Variants in EDIL3 observed in about 807,000 individuals in gnomAD.
The protein encoded by EDIL3 is EGF like and discoidin domains 3.
In EDIL3, 37 loss-of-function variants were observed where a neutral mutation model predicts 67.4. That is an observed-to-expected ratio of 0.55 (90% CI 0.42 to 0.72). The LOEUF is 0.72. Ranked by LOEUF, EDIL3 falls within the 30% of genes least tolerant of loss-of-function variation. The probability of loss-of-function intolerance (pLI) is 0.00; values close to 1 mark genes in which losing one functional copy is unlikely to be tolerated. For synonymous variants in EDIL3, 195 were observed against 196.3 expected, an observed-to-expected ratio of 0.99 and a Z score of 0.05; for missense variants, 527 against 586.3, an observed-to-expected ratio of 0.90 and a Z score of 1.04.
chr5:84,146,791 A>G (rs1237587135), intron 4 of EDIL3, among the ~76,000 whole-genome samples: 1 of 152,102 alleles, frequency 6.6e-6, no homozygotes, highest in Non-Finnish European at 1.5e-5. Context: ...TCCTTTTTAG[A>G]GGGCATTGAT....
chr5:84,280,694 T>G (rs1431513469), intron 1 of EDIL3, among the ~76,000 whole-genome samples: 1 of 152,032 alleles, frequency 6.6e-6, no homozygotes, highest in Non-Finnish European at 1.5e-5. Flanking sequence ...GGTTCACGCT[T>G]GAAATCTCAA....
chr5:84,063,278 A>G (rs1746576539), intron 8 of EDIL3, among the ~76,000 whole-genome samples: 1 of 152,142 alleles, frequency 6.6e-6, no homozygotes, highest in African/African-American at 2.4e-5. Context: ...GCTTTATGAT[A>G]AATGGCTTAG....
chr5:84,172,606 C>CA (rs202241099), intron 4 of EDIL3, among the ~76,000 whole-genome samples: 2,364 of 150,968 alleles, frequency 0.016, 69 homozygotes, highest in African/African-American at 0.055. Context: ...ACAACAACAA[C>CA]AACAAAAAAA....
intron 9 of EDIL3, among the ~76,000 whole-genome samples, chr5:84,015,327 A>C (rs888085218): frequency 2.0e-5 from 3 of 152,208 alleles, no homozygotes; most frequent in African/African-American, 2.4e-5. Context: ...AGGTTATTGC[A>C]CAGTAGGTGG....
chr5:84,060,656 T>C (rs1375904510), intron 8 of EDIL3, among the ~76,000 whole-genome samples, 172 bp from the exon 9 acceptor site: 1 of 151,982 alleles, frequency 6.6e-6, no homozygotes, highest in Non-Finnish European at 1.5e-5. Flanking sequence ...TGAAACAAAA[T>C]CGAAAAACAA....
At chr5:84,075,890 G>GCACACACACACACA (rs10530772) in intron 6 of EDIL3, among the ~76,000 whole-genome samples, 49 of 144,978 alleles carry the variant, frequency 3.4e-4, no homozygotes, top group East Asian at 1.4e-3. Context: ...AAGTGTGCAC[G>GCACACACACACACA]CACACACACA....
In EDIL3 at chr5:84,212,756, G is replaced by C. The variant is rs115838992; in HGVS notation, c.226+17099C>G. Among the ~76,000 whole-genome samples the C allele has an allele frequency of 1.5e-3, 229 of 152,268 alleles. 2 individuals are homozygous for C. Among genetic ancestry groups the C allele is most frequent in the African/African-American group, 5.2e-3 (218 of 41,552 alleles). On this transcript the variant is annotated intron_variant, in intron 3 of 10. Coordinates refer to ENST00000296591, the MANE Select transcript of EDIL3 (RefSeq NM_005711.5). ...AGCACAACATGTGTGACCTGGAATAGAGAAGACCGCCCTGCCTCCTAGAGA... is the reference window on the plus strand; with the variant it reads ...AGCACAACATGTGTGACCTGGAATACAGAAGACCGCCCTGCCTCCTAGAGA...
intron 5 of EDIL3, among the ~76,000 whole-genome samples, chr5:84,117,020 A>ATTTTTTTTTTTTTTT (rs34997139): frequency 3.6e-5 from 3 of 83,236 alleles, no homozygotes; most frequent in Non-Finnish European, 6.5e-5. Flanking sequence ...TTAAGTACTT[A>ATTTTTTTTTTTTTTT]TTTTTTTTTT....
intron 5 of EDIL3, among the ~76,000 whole-genome samples, chr5:84,111,409 A>T (rs1580332101): frequency 6.6e-6 from 1 of 152,118 alleles, no homozygotes; most frequent in East Asian, 1.9e-4. Context: ...GGATAGGCAA[A>T]TTCTGTTCTT....
At chr5:83,983,495 A>G (rs1052600054) in intron 9 of EDIL3, among the ~76,000 whole-genome samples, 3 of 152,120 alleles carry the variant, frequency 2.0e-5, no homozygotes, top group Non-Finnish European at 4.4e-5. Flanking sequence ...GTTTGAGTGA[A>G]GAAAAAGATC....
At chr5:84,187,684 T>G (rs1305177642) in intron 3 of EDIL3, among the ~76,000 whole-genome samples, 1 of 152,088 alleles carries the variant, frequency 6.6e-6, no homozygotes, top group Non-Finnish European at 1.5e-5. Flanking sequence ...TGCCTTTACA[T>G]TTAATAATTT....
chr5:84,260,624 T>C (rs1021540687), intron 1 of EDIL3, among the ~76,000 whole-genome samples: 2 of 152,218 alleles, frequency 1.3e-5, no homozygotes, highest in African/African-American at 2.4e-5. Context: ...CTTTCTTACA[T>C]ATTAATGTAT....
chr5:84,325,643 C>T (rs955388133), intron 1 of EDIL3, among the ~76,000 whole-genome samples: 1 of 151,892 alleles, frequency 6.6e-6, no homozygotes, highest in Non-Finnish European at 1.5e-5. Context: ...TGAGAATGTA[C>T]CCAAAATATT....
At chr5:84,320,621 C>G (rs1746616989) in intron 1 of EDIL3, among the ~76,000 whole-genome samples, 1 of 152,080 alleles carries the variant, frequency 6.6e-6, no homozygotes, top group Admixed American at 6.6e-5. Flanking sequence ...CATTCCAACT[C>G]TATACTATAC....
chr5:84,056,058 C>A (rs1299841731), intron 9 of EDIL3, among the ~76,000 whole-genome samples: 1 of 152,156 alleles, frequency 6.6e-6, no homozygotes, highest in Non-Finnish European at 1.5e-5. Flanking sequence ...TTGGAACCAA[C>A]CCAAATGTCC....
At chr5:84,368,967 TA>T (rs958882368) in intron 1 of EDIL3, among the ~76,000 whole-genome samples, 3 of 151,470 alleles carry the variant, frequency 2.0e-5, no homozygotes, top group Non-Finnish European at 3.0e-5. Context: ...AATAAAAACC[TA>T]AAAAGCATAA....
intron 1 of EDIL3, among the ~76,000 whole-genome samples, chr5:84,379,691 C>T (rs1488562882): frequency 6.6e-6 from 1 of 152,002 alleles, no homozygotes; most frequent in Non-Finnish European, 1.5e-5. Context: ...ATAGTTCAAC[C>T]TAAGTGTGCA....
chr5:84,127,450 G>A (rs1256570649), intron 5 of EDIL3, among the ~76,000 whole-genome samples: 1 of 152,046 alleles, frequency 6.6e-6, no homozygotes, highest in Non-Finnish European at 1.5e-5. Context: ...GTTCTTTGGG[G>A]TTTAAGATAT....
intron 5 of EDIL3, among the ~76,000 whole-genome samples, chr5:84,126,671 T>C (rs1414932936): frequency 6.6e-6 from 1 of 152,132 alleles, no homozygotes; most frequent in Admixed American, 6.6e-5. Flanking sequence ...ATATTTGTAG[T>C]TGATGAAAAT....
Sources: gnomAD v4.1 joint callset for allele counts (sites outside exome capture counted in the v4.1 genomes callset) on GRCh38, gnomAD v4.1.1 for gene constraint, MANE v1.5 for transcripts, NCBI Gene and HGNC (gene_info 2026-07-23, HGNC 2026-07-21) for gene names.